The following STK3 variants were observed in gnomAD, a reference collection of about 807,000 sequenced individuals.
STK3 encodes serine/threonine kinase 3.
A neutral mutation model predicts 58.0 loss-of-function variants in STK3; 41 were observed. The observed-to-expected ratio is 0.71, with a 90% confidence interval of 0.55 to 0.92. STK3 has a LOEUF of 0.92. Among genes scored for constraint, STK3 ranks in the 40% least tolerant of loss-of-function variants. STK3 has a pLI of 0.00. For missense variants in STK3, 479 were observed against 602.7 expected, an observed-to-expected ratio of 0.79 and a Z score of 2.15; for synonymous variants, 170 against 191.0, an observed-to-expected ratio of 0.89 and a Z score of 0.91.
intron 2 of STK3, among the ~76,000 whole-genome samples, chr8:98,376,541 T>C (rs1009296955): frequency 5.3e-5 from 8 of 152,250 alleles, no homozygotes; most frequent in Admixed American, 5.2e-4. Context: ...TCAAAATTTT[T>C]TAGTTTATGC....
intron 6 of STK3, among the ~76,000 whole-genome samples, chr8:98,602,540 CCAAA>C (rs1224025274): frequency 6.6e-6 from 1 of 152,100 alleles, no homozygotes; most frequent in Admixed American, 6.5e-5. Context: ...TTATAGCAAC[CCAAA>C]CAGACTATAC....
chr8:98,496,931 A>T (rs1268713650), intron 10 of STK3, among the ~76,000 whole-genome samples: 1 of 152,136 alleles, frequency 6.6e-6, no homozygotes, highest in Non-Finnish European at 1.5e-5. Context: ...TACACTTAAA[A>T]ATGATGAAAA....
chr8:98,895,839 T>TG (rs1314926649), intron 1 of STK3, among the ~76,000 whole-genome samples: 1 of 152,178 alleles, frequency 6.6e-6, no homozygotes, highest in Admixed American at 6.5e-5. Context: ...GGCTTCTACT[T>TG]GCAGCAGAAA....
intron 6 of STK3, among the ~76,000 whole-genome samples, chr8:98,643,838 A>T (rs1391619870): frequency 1.3e-5 from 2 of 152,034 alleles, no homozygotes; most frequent in Non-Finnish European, 2.9e-5. Flanking sequence ...CTGAGACTTC[A>T]CCTCTACAAA....
intron 4 of STK3, among the ~76,000 whole-genome samples, chr8:98,747,256 A>G (rs1265780078): frequency 6.6e-6 from 1 of 152,194 alleles, no homozygotes; most frequent in Non-Finnish European, 1.5e-5. Flanking sequence ...GAATAACAAT[A>G]TAAAATAACA....
At position 98,421,880 on chromosome 8, in the gene STK3, G is replaced by GTGAAGAGC. The variant is rs529166878; in HGVS notation, n.483+12239_483+12246dup. 2.8e-3 allele frequency among the ~76,000 whole-genome samples: 423 copies of GTGAAGAGC among 152,324 alleles called. 3 individuals are homozygous for GTGAAGAGC. Among genetic ancestry groups the GTGAAGAGC allele is most frequent in the African/African-American group, 9.6e-3 (397 of 41,568 alleles). On this transcript the variant is annotated intron_variant and non_coding_transcript_variant, in intron 3 of 3. Coordinates refer to the STK3 transcript ENST00000517832. ...AAGGGAGCAGTGCCTAGTGGGGCTGGTGAAGAGCCCTCCAAGGATAAGGAA... is the reference window on the plus strand; with the variant it reads ...AAGGGAGCAGTGCCTAGTGGGGCTGGTGAAGAGCTGAAGAGCCCTCCAAGGATAAGGAA...
At chr8:98,909,867 T>C (rs1161057444) in intron 1 of STK3, among the ~76,000 whole-genome samples, 1 of 152,266 alleles carries the variant, frequency 6.6e-6, no homozygotes. Flanking sequence ...TGCTTGGGCA[T>C]ATACCTGGAG....
intron 10 of STK3, among the ~76,000 whole-genome samples, chr8:98,462,041 T>C (rs1820027558): frequency 6.6e-6 from 1 of 152,184 alleles, no homozygotes; most frequent in Admixed American, 6.6e-5. Context: ...AGCACCTCAT[T>C]GAGAATGGGG....
chr8:98,615,199 A>G (rs1817590928), intron 6 of STK3, among the ~76,000 whole-genome samples: 1 of 151,668 alleles, frequency 6.6e-6, no homozygotes, highest in Non-Finnish European at 1.5e-5. Context: ...TAGCAGGGGC[A>G]CACTGACACC....
chr8:98,884,061 CA>C (rs1432105418), intron 1 of STK3, among the ~76,000 whole-genome samples: 1 of 152,118 alleles, frequency 6.6e-6, no homozygotes, highest in African/African-American at 2.4e-5. Context: ...GGAAATCTTC[CA>C]AGGTAGCACT....
chr8:98,942,213 G>A (rs1244161292), intron 1 of STK3, among the ~76,000 whole-genome samples: 2 of 152,188 alleles, frequency 1.3e-5, no homozygotes, highest in Non-Finnish European at 2.9e-5. Context: ...GCGCAGAGGT[G>A]GCCCAGGAGG....
chr8:98,590,376 C>T (rs1377087332), intron 7 of STK3, among the ~76,000 whole-genome samples: 2 of 152,070 alleles, frequency 1.3e-5, no homozygotes, highest in Admixed American at 6.5e-5. Flanking sequence ...AGAGGGCTTC[C>T]GAGGCGATCG....
intron 4 of STK3, among the ~76,000 whole-genome samples, chr8:98,746,088 T>C (rs776910755): frequency 4.6e-5 from 7 of 152,224 alleles, no homozygotes; most frequent in Non-Finnish European, 7.3e-5. Flanking sequence ...CCATCATTGA[T>C]AGAAACATCA....
At chr8:98,403,622 G>T (rs1817965650) in intron 3 of STK3, among the ~76,000 whole-genome samples, 1 of 146,558 alleles carries the variant, frequency 6.8e-6, no homozygotes, top group Admixed American at 7.9e-5. Context: ...GGCTGCCCCT[G>T]GGGAGGGGGA....
intron 3 of STK3, among the ~76,000 whole-genome samples, chr8:98,756,263 T>C (rs980683226): frequency 6.6e-6 from 1 of 152,154 alleles, no homozygotes; most frequent in Non-Finnish European, 1.5e-5. Context: ...GGAATAATAT[T>C]TAAGCTAAGA....
chr8:98,484,967 C>T (rs955873422), intron 10 of STK3, among the ~76,000 whole-genome samples: 6 of 152,064 alleles, frequency 3.9e-5, no homozygotes, highest in Admixed American at 2.6e-4. Flanking sequence ...TGGCCGGGTA[C>T]GGTGGCTCAC....
At chr8:98,570,798 T>C (rs1053877588) in intron 8 of STK3, among the ~76,000 whole-genome samples, 1 of 152,180 alleles carries the variant, frequency 6.6e-6, no homozygotes, top group African/African-American at 2.4e-5. Flanking sequence ...TATATGTAAT[T>C]ATATCCTCAT....
intron 1 of STK3, among the ~76,000 whole-genome samples, chr8:98,892,553 C>G (rs1416269227): frequency 6.6e-6 from 1 of 152,146 alleles, no homozygotes; most frequent in Non-Finnish European, 1.5e-5. Context: ...AGTGCACTCA[C>G]CTTTCCTTAG....
chr8:98,625,039 G>T (rs1461096686), intron 6 of STK3, among the ~76,000 whole-genome samples: 1 of 152,044 alleles, frequency 6.6e-6, no homozygotes, highest in Non-Finnish European at 1.5e-5. Flanking sequence ...CGAAAGATTG[G>T]TAATTAAAAT....
Sources: gnomAD v4.1 joint callset for allele counts (sites outside exome capture counted in the v4.1 genomes callset) on GRCh38, gnomAD v4.1.1 for gene constraint, MANE v1.5 for transcripts, NCBI Gene and HGNC (gene_info 2026-07-23, HGNC 2026-07-21) for gene names.